Variants in HROB observed in about 807,000 individuals in gnomAD.
HROB encodes homologous recombination OB-fold protein.
A neutral mutation model predicts 61.0 loss-of-function variants in HROB; 44 were observed. The ratio of observed to expected loss-of-function variants is 0.72; its 90% confidence interval spans 0.57 to 0.93. The LOEUF (loss-of-function observed/expected upper bound fraction) is 0.93. HROB is among the 40% of genes least tolerant of loss of function. The pLI is 0.00. For missense variants in HROB, 716 were observed against 796.2 expected (o/e 0.90, Z 1.21); for synonymous variants, 301 against 310.4 (o/e 0.97, Z 0.32).
chr17:44,142,266 C>A, intron 1 of HROB, 121 bp downstream of exon 1: 1 of 1,262,688 alleles, frequency 7.9e-7, no homozygotes, highest in Non-Finnish European at 1.0e-6. Context: ...GGTGGGGGTT[C>A]GGCGGAGTCG....
At chr17:44,160,984 C>T (rs942007676) in intron 9 of HROB, among the ~76,000 whole-genome samples, 9 of 152,086 alleles carry the variant, frequency 5.9e-5, no homozygotes, top group Non-Finnish European at 1.2e-4. Flanking sequence ...AGGTGGATCA[C>T]GAGGTCAAGA....
intron 4 of HROB, 88 bp from the exon 5 acceptor site, chr17:44,152,549 T>C: frequency 6.8e-7 from 1 of 1,462,930 alleles, no homozygotes; most frequent in Non-Finnish European, 9.2e-7. Context: ...TTGCCTTTCC[T>C]CTCTCACCCT....
chr17:44,158,000 AC>A, intron 9 of HROB, 59 bp downstream of exon 9: 3 of 1,230,316 alleles, frequency 2.4e-6, no homozygotes, highest in Non-Finnish European at 3.5e-6. Context: ...GAATAGCTGA[AC>A]CAGAATCTTC....
chr17:44,150,391 T>C (rs1010354227), intron 3 of HROB, among the ~76,000 whole-genome samples: 1 of 120,310 alleles, frequency 8.3e-6, no homozygotes, highest in Non-Finnish European at 1.6e-5. Context: ...TTTCTTTCTT[T>C]CTTTTTTTTT....
chr17:44,156,604 A>G (rs533100823), intron 8 of HROB, among the ~76,000 whole-genome samples: 1 of 151,898 alleles, frequency 6.6e-6, no homozygotes, highest in South Asian at 2.1e-4. Flanking sequence ...AATGGGTCCT[A>G]CCCTTCCCCA....
At position 44,148,946 on chromosome 17, in the gene HROB, G is replaced by C. The variant is rs1363266063; in HGVS notation, c.1143G>C (p.Arg381=). Reference sequence around the variant, plus strand: ...TGCAGCTAGTCACTGCTGCCAGCCGGACACCCCAGCAGCCCACCCATCCCT... The same window carrying C: ...TGCAGCTAGTCACTGCTGCCAGCCGCACACCCCAGCAGCCCACCCATCCCT... ...HLVQLVTAAS[R]TPQQPTHPST... Residue 381 remains arginine (R), a synonymous_variant, in exon 3 of 10, where the codon CGG becomes CGC. Transcript: ENST00000585683. 6.2e-7 allele frequency: 1 copy of C among 1,613,920 alleles called. No homozygotes were observed.
intron 5 of HROB, chr17:44,154,309 C>A: frequency 2.3e-6 from 1 of 437,956 alleles, no homozygotes. Context: ...GCCATTGCAC[C>A]CAGCCTGGGA....
Position 44,154,869 on chromosome 17 carries a change from G to A in HROB, c.1575G>A (p.Thr525=), listed in dbSNP as rs1390963697. Residue 525 remains threonine, a synonymous_variant, in exon 7 of 10, where the codon ACG becomes ACA. Coordinates refer to ENST00000585683, the MANE Select transcript of HROB (RefSeq NM_001171251.3). ...FKDPTGEMQG[T]VHRLLLETCQ... ...TATTTGCAGGAGAGATGCAGGGGAC[G>A]GTGCACAGGTTGCTGCTGGAGACGT... 5 of 1,614,058 alleles carry A rather than the reference G, an allele frequency of 3.1e-6. No homozygotes were observed. Among genetic ancestry groups the A allele is most frequent in the South Asian group, 2.2e-5 (2 of 91,062 alleles).
chr17:44,150,392 CTTTT>C (rs34260212), intron 3 of HROB, among the ~76,000 whole-genome samples: 7,750 of 142,838 alleles, frequency 0.054, 250 homozygotes, highest in African/African-American at 0.073. Flanking sequence ...TTCTTTCTTT[CTTTT>C]TTTTTTTTTT....
Position 44,147,961 on chromosome 17 carries a change from T to C in HROB, c.158T>C (p.Val53Ala). 1 of 1,614,160 alleles carries C rather than the reference T, an allele frequency of 6.2e-7. No homozygotes were observed. The highest frequency in any genetic ancestry group is 1.1e-5 in the South Asian group (1 of 91,092). ...GTCTCTTCTAGGCCACAGGAGACTG[T>C]GCAGGCACAGTCCTCCAGGCTGCTG... ...RPVSSRPQETVQAQSSRLLLL... is the reference protein window; with the variant it reads ...RPVSSRPQETAQAQSSRLLLL... Residue 53 changes from valine to alanine, a missense_variant, in exon 3 of 10, where the codon GTG becomes GCG. Physicochemically the swap from Val to Ala is moderately conservative, Grantham distance 64 (BLOSUM62 0). Coordinates refer to ENST00000585683, the MANE Select transcript of HROB (RefSeq NM_001171251.3).
chr17:44,145,231 T>C lies in HROB; in HGVS notation c.32T>C (p.Val11Ala). The C allele has an allele frequency of 6.2e-7, 1 of 1,613,890 alleles. No individual in the cohort carries two copies. Among genetic ancestry groups the C allele is most frequent in the Middle Eastern group, 1.7e-4 (1 of 6,060 alleles). Residue 11 changes from valine to alanine, a missense_variant, in exon 2 of 10, where the codon GTG becomes GCG. Coordinates refer to ENST00000585683, the MANE Select transcript of HROB (RefSeq NM_001171251.3). MACSLQKLFA[V>A]EEEFEDEDFL... is the part of the protein sequence containing the mutation. ...TGCAGTTTGCAGAAGCTGTTTGCTGTGGAAGAGGAGTTTGAAGATGAGGTA... is the reference window on the plus strand; with the variant it reads ...TGCAGTTTGCAGAAGCTGTTTGCTGCGGAAGAGGAGTTTGAAGATGAGGTA...
chr17:44,154,701 C>G, intron 6 of HROB, 37 bp downstream of exon 6: 1 of 1,607,728 alleles, frequency 6.2e-7, no homozygotes, highest in Non-Finnish European at 8.5e-7. Context: ...GGTGAGTGGG[C>G]TCCATTGAGG....
chr17:44,154,346 A>C (rs932390323), intron 5 of HROB: 10 of 529,998 alleles, frequency 1.9e-5, no homozygotes, highest in African/African-American at 1.5e-4. Flanking sequence ...AAAAATAAAA[A>C]AGAACGGAGG....
At chr17:44,142,835 TG>T (rs1181940284) in intron 1 of HROB, among the ~76,000 whole-genome samples, 1 of 152,324 alleles carries the variant, frequency 6.6e-6, no homozygotes, top group East Asian at 1.9e-4. Context: ...TTTGGATTTA[TG>T]GTAGTTTCTC....
chr17:44,154,956 C>A lies in HROB; in HGVS notation c.1644+18C>A. On this transcript the variant is annotated intron_variant, in intron 7 of 9. Transcript: ENST00000585683. ...TGAAGCAGGTATGGGGAGCAGCTCT[C>A]CACACCACTGCCCCCCGGATAGAGC... The A allele has an allele frequency of 6.2e-7, 1 of 1,610,294 alleles. No homozygotes were observed. Among genetic ancestry groups the A allele is most frequent in the South Asian group, 1.1e-5 (1 of 90,432 alleles).
chr17:44,157,649 A>G (rs2054012093), intron 8 of HROB, among the ~76,000 whole-genome samples, 184 bp from the exon 9 acceptor site: 2 of 151,968 alleles, frequency 1.3e-5, no homozygotes, highest in African/African-American at 4.8e-5. Context: ...TCCTGACCTC[A>G]AATGATTCAC....
intron 4 of HROB, 44 bp from the exon 5 acceptor site, chr17:44,152,593 G>A (rs1432982712): frequency 1.9e-6 from 3 of 1,602,762 alleles, no homozygotes; most frequent in Non-Finnish European, 1.7e-6. Context: ...CTGTAGCAAG[G>A]TAGACCTATT....
In HROB at chr17:44,155,362, C is replaced by T. The variant is rs372663260; in HGVS notation, c.1721C>T (p.Pro574Leu). ...AACAACCTGGTCCATATTTACAGCC[C>T]GGATTCTGGGGATGGGAGCTTCCTC... is the stretch of plus-strand genomic sequence containing the variant. ...TPNNLVHIYS[P>L]DSGDGSFLKP... Residue 574 changes from proline (P) to leucine (L), a missense_variant, in exon 8 of 10, where the codon CCG (proline) becomes CTG (leucine). Coordinates refer to ENST00000585683, the MANE Select transcript of HROB (RefSeq NM_001171251.3). 6.1e-5 allele frequency: 99 copies of T among 1,614,006 alleles called. 1 individual carries two copies. The South Asian group carries it at 7.8e-4, about 13-fold the overall frequency.
chr17:44,157,180 G>T (rs991916251), intron 8 of HROB, among the ~76,000 whole-genome samples: 16 of 152,234 alleles, frequency 1.1e-4, no homozygotes, highest in Admixed American at 5.2e-4. Context: ...TAAATCTCAG[G>T]CTAACTCTTC....
Sources: gnomAD v4.1 joint callset for allele counts (sites outside exome capture counted in the v4.1 genomes callset) on GRCh38, gnomAD v4.1.1 for gene constraint, MANE v1.5 for transcripts, NCBI Gene and HGNC (gene_info 2026-07-23, HGNC 2026-07-21) for gene names.